The following EVC variants were observed in gnomAD, a reference collection of about 807,000 sequenced individuals.
EVC encodes evC complex member EVC.
In EVC, 116 loss-of-function variants were observed where a neutral mutation model predicts 118.9. The observed-to-expected ratio is 0.98, with a 90% CI of 0.84 to 1.14. The LOEUF (loss-of-function observed/expected upper bound fraction) is 1.14. Ranked by LOEUF, EVC falls within the 50% of genes most tolerant of loss-of-function variation. The probability of loss-of-function intolerance (pLI) is 0.00; values close to 1 mark genes in which losing one functional copy is unlikely to be tolerated. For synonymous variants in EVC, 619 were observed against 534.7 expected (o/e 1.16, Z -2.18); for missense variants, 1,401 against 1,246.4 (o/e 1.12, Z -1.87).
At chr4:5,753,195 G>A in intron 9 of EVC, 143 bp downstream of exon 9, 2 of 801,774 alleles carry the variant, frequency 2.5e-6, no homozygotes, top group South Asian at 1.6e-5. Flanking sequence ...CCTAGGGACT[G>A]GGTCACTGGG....
chr4:5,825,039 G>A, the EVC span: 33 of 985,256 alleles, frequency 3.3e-5, no homozygotes, highest in Non-Finnish European at 3.5e-5. The surrounding 1 kb of genome is among the most constrained non-coding windows in gnomAD (Gnocchi z 4.4). Context: ...TTATGGAGTA[G>A]TGAGGATAAA....
chr4:5,788,406 C>T lies in EVC; in HGVS notation c.1776+4642C>T, dbSNP rs937919643. Among the ~76,000 whole-genome samples the T allele has an allele frequency of 4.6e-5, 7 of 152,306 alleles. No homozygotes were observed. In the East Asian group the frequency reaches 1.4e-3, roughly 29 times the overall value. The stretch of plus-strand genomic sequence containing the variant: ...TTTCAGTTCCTCAAGGGTCGTTGGA[C>T]TGAGAGCCAACAGCTTCCAAATTTA... On this transcript the variant is annotated intron_variant, in intron 12 of 20. Transcript: ENST00000264956.
intron 11 of EVC, among the ~76,000 whole-genome samples, chr4:5,772,993 C>T (rs1388932098): frequency 6.6e-6 from 1 of 152,156 alleles, no homozygotes; most frequent in Non-Finnish European, 1.5e-5. Context: ...ATCACATGTG[C>T]CACAGCCTGG....
At chr4:5,770,142 A>G (rs577430008) in intron 11 of EVC, among the ~76,000 whole-genome samples, 30 of 152,190 alleles carry the variant, frequency 2.0e-4, no homozygotes, top group African/African-American at 6.7e-4. Context: ...CCTGGCCACA[A>G]TATGTGACAA....
In EVC at chr4:5,753,942, C is replaced by A; in HGVS notation, c.1464+9C>A. ...CGGAAAAGTTTCTCGAGGTGACTCA[C>A]ATCCCCAGCCTCTGCACATGTGGGT... On this transcript the variant is annotated intron_variant, in intron 10 of 20. Coordinates refer to ENST00000264956, the MANE Select transcript of EVC (RefSeq NM_153717.3). 1.2e-6 allele frequency: 2 copies of A among 1,612,624 alleles called. No individual in the cohort carries two copies.
intron 19 of EVC, 109 bp downstream of exon 19, chr4:5,809,720 T>TA: frequency 9.8e-7 from 1 of 1,019,818 alleles, no homozygotes; most frequent in Non-Finnish European, 1.5e-6. Flanking sequence ...GCATCGTGCC[T>TA]AGGCTCTCTG....
In EVC at chr4:5,798,926, C is replaced by A; in HGVS notation, c.2304+134C>A. Reference sequence around the variant, plus strand: ...TAGACTTTGCCTGACTTCTCCATGACTTGATTTTCTCATCTGTAAGGTGGG... The same window carrying A: ...TAGACTTTGCCTGACTTCTCCATGAATTGATTTTCTCATCTGTAAGGTGGG... On this transcript the variant is annotated intron_variant, in intron 15 of 20. Coordinates refer to ENST00000264956, the MANE Select transcript of EVC (RefSeq NM_153717.3). This position sits in a 1 kb window ranked among gnomAD's most constrained non-coding sequence, Gnocchi z 4.1. The A allele has an allele frequency of 1.0e-6, 1 of 963,536 alleles. No individual in the cohort carries two copies. The highest frequency in any genetic ancestry group is 1.6e-6 in the Non-Finnish European group (1 of 613,084). The allele number at this position is 963,536 out of a possible 1,614,324, so 59.7% of individuals were successfully genotyped here.
chr4:5,771,175 T>A (rs1053872338), intron 11 of EVC, among the ~76,000 whole-genome samples: 1 of 152,084 alleles, frequency 6.6e-6, no homozygotes. Flanking sequence ...AGGTCAGAAG[T>A]CTGATGTGGA....
intron 12 of EVC, among the ~76,000 whole-genome samples, chr4:5,790,465 G>A (rs1364764160): frequency 6.6e-6 from 1 of 152,154 alleles, no homozygotes; most frequent in Non-Finnish European, 1.5e-5. Context: ...GATGCCAGAG[G>A]TACAGCCTTT....
chr4:5,822,145 G>C, the EVC span, among the ~76,000 whole-genome samples: 1 of 152,258 alleles, frequency 6.6e-6, no homozygotes, highest in Non-Finnish European at 1.5e-5. Flanking sequence ...CACTTACTGA[G>C]TGCCTACTGT....
At chr4:5,751,909 G>T (rs907798462) in intron 8 of EVC, among the ~76,000 whole-genome samples, 1 of 152,174 alleles carries the variant, frequency 6.6e-6, no homozygotes, top group African/African-American at 2.4e-5. Context: ...GCAGGACAGG[G>T]CCCCACAGAA....
chr4:5,816,093 C>T (rs558880385), downstream of EVC, among the ~76,000 whole-genome samples: 29 of 152,246 alleles, frequency 1.9e-4, no homozygotes, highest in East Asian at 4.5e-3. Context: ...TTAGCCCCAT[C>T]CCAGAGATTC....
chr4:5,767,505 G>C (rs1183108969), intron 11 of EVC, among the ~76,000 whole-genome samples: 4 of 151,014 alleles, frequency 2.6e-5, no homozygotes, highest in Non-Finnish European at 5.9e-5. Flanking sequence ...CAGCGTGGCT[G>C]CCACCTTGCA....
rs948118265 is a variant in EVC, at chr4:5,743,645, A to T, written c.802-1559A>T. 2.0e-5 allele frequency among the ~76,000 whole-genome samples: 3 copies of T among 152,076 alleles called. No individual in the cohort carries two copies. Among genetic ancestry groups the T allele is most frequent in the African/African-American group, 7.2e-5 (3 of 41,400 alleles). On this transcript the variant is annotated intron_variant, in intron 6 of 20. Transcript: ENST00000264956. This position sits in a 1 kb window ranked among gnomAD's most constrained non-coding sequence, Gnocchi z 4.7. ...GGAAGGAATGTTTCTTCTTTACTCC[A>T]CTGGATTCCATGAGGAAGGATGACT... is the stretch of plus-strand genomic sequence containing the variant.
downstream of EVC, among the ~76,000 whole-genome samples, chr4:5,818,749 CA>C (rs1178205566): frequency 6.6e-6 from 1 of 152,192 alleles, no homozygotes; most frequent in Admixed American, 6.5e-5. Context: ...CCAAATGCAC[CA>C]GCACCACCCC....
intron 11 of EVC, chr4:5,758,279 C>A: frequency 1.7e-6 from 1 of 576,296 alleles, no homozygotes. Context: ...CCCTCCGGAA[C>A]GGTGAGAGAA....
chr4:5,802,808 T>C (rs778417772), intron 16 of EVC, among the ~76,000 whole-genome samples: 5 of 152,184 alleles, frequency 3.3e-5, no homozygotes, highest in Non-Finnish European at 7.3e-5. Flanking sequence ...GAAGCTTCGC[T>C]CACTCATCTG....
Position 5,810,393 on chromosome 4 carries a change from T to G in EVC, c.2837T>G (p.Leu946Arg), listed in dbSNP as rs776536940. 4 of 1,613,796 alleles carry G rather than the reference T, an allele frequency of 2.5e-6. No homozygotes were observed. Among genetic ancestry groups the G allele is most frequent in the Non-Finnish European group, 3.4e-6 (4 of 1,179,984 alleles). ...CCCCTGCCCCAGGAAAGAGGGGACCTGGGGGTGCCCAACAATGAGGACCTT... is the reference window on the plus strand; with the variant it reads ...CCCCTGCCCCAGGAAAGAGGGGACCGGGGGGTGCCCAACAATGAGGACCTT... ...KKPLPQERGD[L>R]GVPNNEDLAS... Residue 946 changes from leucine (L) to arginine (R), a missense_variant, in exon 20 of 21, where the codon CTG becomes CGG. By Grantham distance (102) the Leu-to-Arg change is moderately radical. Transcript: ENST00000264956.
chr4:5,810,232 C>T lies in EVC; in HGVS notation c.2783-107C>T, dbSNP rs1287713568. On this transcript the variant is annotated intron_variant, in intron 19 of 20. Coordinates refer to ENST00000264956, the MANE Select transcript of EVC (RefSeq NM_153717.3). ...ATAAGATACCAAGCATACACTTGGCCCACACAACATGCTCAAAAATGTCAG... is the reference window on the plus strand; with the variant it reads ...ATAAGATACCAAGCATACACTTGGCTCACACAACATGCTCAAAAATGTCAG... The T allele has an allele frequency of 4.8e-6, 4 of 842,096 alleles. No homozygotes were observed. In the South Asian group the frequency reaches 5.8e-5, roughly 12 times the overall value. 52.2% of individuals were successfully genotyped at this position (842,096 alleles called of 1,614,324 possible).
Sources: allele counts gnomAD v4.1 joint callset (sites outside exome capture counted in the v4.1 genomes callset), GRCh38; gene constraint gnomAD v4.1.1; non-coding constraint Gnocchi (gnomAD v3.1); transcripts MANE v1.5; gene names NCBI Gene and HGNC (gene_info 2026-07-23, HGNC 2026-07-21).